PLCE1: variants seen among roughly 807,000 people sequenced by gnomAD.
PLCE1 encodes the protein phospholipase C epsilon 1.
A neutral mutation model predicts 242.8 loss-of-function variants in PLCE1; 119 were observed. The ratio of observed to expected loss-of-function variants is 0.49; its 90% CI spans 0.42 to 0.57. The LOEUF is 0.57. Among genes scored for constraint, PLCE1 ranks in the 20% least tolerant of loss-of-function variants. The pLI is 0.00. For synonymous variants in PLCE1, 945 were observed against 1,017.4 expected (o/e 0.93, Z 1.35); for missense variants, 2,441 against 2,788.8 (o/e 0.88, Z 2.81).
rs114276491 is a variant in PLCE1, at chr10:94,117,654, C to T, written c.1207-14520C>T. ...ATGGTGGGTATAAAAGAGAGAAAAT[C>T]CTTGGAACACCCATAAGCAGTTGAT... is the stretch of plus-strand genomic sequence containing the variant. On this transcript the variant is annotated intron_variant, in intron 2 of 32. Transcript: ENST00000371380. Among the ~76,000 whole-genome samples, 470 of 152,248 alleles carry T rather than the reference C, an allele frequency of 3.1e-3. 4 individuals are homozygous for T. Among genetic ancestry groups the T allele is most frequent in the African/African-American group, 0.011 (454 of 41,550 alleles).
intron 29 of PLCE1, among the ~76,000 whole-genome samples, chr10:94,319,029 C>A (rs1204054777): frequency 1.3e-5 from 2 of 152,084 alleles, no homozygotes; most frequent in Non-Finnish European, 2.9e-5. Context: ...GCCTGGGTGA[C>A]AGAGCAAGAC....
In PLCE1 at chr10:94,231,667, C is replaced by T. The variant is rs148011951; in HGVS notation, c.1956-2387C>T. The stretch of plus-strand genomic sequence containing the variant: ...CATCAGAGACCAGTTTCATGGAAGA[C>T]AATTTTTCCACAGACTCGGGGTGTG... On this transcript the variant is annotated intron_variant, in intron 5 of 32. Coordinates refer to ENST00000371380, the MANE Select transcript of PLCE1 (RefSeq NM_016341.4). 4.9e-3 allele frequency among the ~76,000 whole-genome samples: 739 copies of T among 150,526 alleles called. 4 individuals carry two copies. Among genetic ancestry groups the T allele is most frequent in the Non-Finnish European group, 8.8e-3 (595 of 67,760 alleles).
rs2051194926 is a variant in PLCE1 at position 94,258,867 on chromosome 10, G to A, written c.3622G>A (p.Val1208Ile). 2 of 1,614,102 alleles carry A rather than the reference G, an allele frequency of 1.2e-6. No individual in the cohort carries two copies. Among genetic ancestry groups the A allele is most frequent in the Non-Finnish European group, 1.7e-6 (2 of 1,179,980 alleles). The change falls in exon 12 of 33, where the codon GTT (valine) becomes ATT (isoleucine). Residue 1208 changes from valine to isoleucine, a missense_variant. Val to Ile is a conservative substitution (Grantham distance 29, BLOSUM62 3). Coordinates refer to ENST00000371380, the MANE Select transcript of PLCE1 (RefSeq NM_016341.4). ...CATGAAGGGATTTCAGAGCTTCATG[G>A]TTTCAGATAGCAACATGAGTTTTGT... ...GGMKGFQSFM[V>I]SDSNMSFVEF...
At chr10:94,130,037 C>T (rs2046551153) in intron 2 of PLCE1, among the ~76,000 whole-genome samples, 1 of 152,220 alleles carries the variant, frequency 6.6e-6, no homozygotes, top group South Asian at 2.1e-4. Flanking sequence ...ACAGGTCAAA[C>T]CCTGCTTTGC....
chr10:94,061,889 A>T (rs2044065368), intron 2 of PLCE1, among the ~76,000 whole-genome samples: 1 of 152,200 alleles, frequency 6.6e-6, no homozygotes, highest in South Asian at 2.1e-4. Context: ...GGAGTCAGCA[A>T]CCTGAGTTAG....
At chr10:94,204,344 T>C (rs1210543842) in intron 4 of PLCE1, among the ~76,000 whole-genome samples, 1 of 152,180 alleles carries the variant, frequency 6.6e-6, no homozygotes, top group Admixed American at 6.5e-5. Context: ...AACTCCAAGC[T>C]ACCTTCTAGA....
intron 32 of PLCE1, among the ~76,000 whole-genome samples, chr10:94,327,189 T>C (rs1011874630): frequency 6.6e-6 from 1 of 152,210 alleles, no homozygotes; most frequent in Non-Finnish European, 1.5e-5. Flanking sequence ...GCTTCTCTTA[T>C]AGTCATTGGT....
intron 1 of PLCE1, among the ~76,000 whole-genome samples, chr10:94,008,528 C>T (rs561270669): frequency 5.9e-5 from 9 of 152,158 alleles, no homozygotes; most frequent in African/African-American, 9.7e-5. Flanking sequence ...AGGCTGGTCT[C>T]GAACTCCTGA....
chr10:94,137,391 C>G (rs2046816227), intron 3 of PLCE1, among the ~76,000 whole-genome samples: 1 of 151,696 alleles, frequency 6.6e-6, no homozygotes, highest in African/African-American at 2.4e-5. Context: ...ATTATAAAAA[C>G]AAGATAAAGT....
chr10:94,325,093 T>G lies in PLCE1; in HGVS notation c.*13T>G, dbSNP rs1589550457. 1.9e-6 allele frequency: 3 copies of G among 1,612,598 alleles called. No individual in the cohort carries two copies. Among genetic ancestry groups the G allele is most frequent in the Non-Finnish European group, 2.5e-6 (3 of 1,178,592 alleles). ...TTACCGACAGTGACTAAGGGCAGCA[T>G]GTTTAACCCAGGTATAGTAAGTCAT... is the stretch of plus-strand genomic sequence containing the variant. On this transcript the variant is annotated 3_prime_UTR_variant, in exon 32 of 33. Coordinates refer to ENST00000371380, the MANE Select transcript of PLCE1 (RefSeq NM_016341.4).
chr10:94,123,128 G>T (rs1355045293), intron 2 of PLCE1, among the ~76,000 whole-genome samples: 6 of 152,158 alleles, frequency 3.9e-5, no homozygotes, highest in Non-Finnish European at 1.5e-5. Flanking sequence ...CTTTGCTTAA[G>T]GTGTCATTGG....
intron 2 of PLCE1, among the ~76,000 whole-genome samples, chr10:94,090,796 G>A (rs74151028): frequency 0.01 from 1,565 of 152,172 alleles, 14 homozygotes; most frequent in Non-Finnish European, 0.016. Flanking sequence ...AGTCTCTTGC[G>A]TTTTGTGTTA....
chr10:94,011,510 G>A (rs918032231), intron 1 of PLCE1, among the ~76,000 whole-genome samples: 1 of 152,082 alleles, frequency 6.6e-6, no homozygotes, highest in African/African-American at 2.4e-5. Flanking sequence ...ACAACAGGAC[G>A]CTGTCAGTGC....
chr10:94,170,360 T>G (rs2047933947), intron 3 of PLCE1, among the ~76,000 whole-genome samples: 1 of 152,176 alleles, frequency 6.6e-6, no homozygotes, highest in African/African-American at 2.4e-5. Context: ...GGTAAGAAGT[T>G]AAGAGGCAGC....
At position 94,235,931 on chromosome 10, in the gene PLCE1, G is replaced by T. The variant is rs2050307344; in HGVS notation, c.2231G>T (p.Ser744Ile). The change falls in exon 7 of 33, where the codon AGT becomes ATT. Residue 744 changes from serine (S) to isoleucine (I), a missense_variant. Physicochemically the swap from Ser to Ile is moderately radical, Grantham distance 142. Coordinates refer to ENST00000371380, the MANE Select transcript of PLCE1 (RefSeq NM_016341.4). ...EETLEFVADY[S>I]GQDNFLQRVG... ...TTTTTGTAGTTTGTAGCAGATTACA[G>T]TGGACAAGATAATTTCTTACAACGA... 1.9e-6 allele frequency: 3 copies of T among 1,613,816 alleles called. No individual in the cohort carries two copies. Among genetic ancestry groups the T allele is most frequent in the Middle Eastern group, 1.7e-4 (1 of 5,966 alleles).
At chr10:94,049,463 A>G (rs2043701815) in intron 2 of PLCE1, among the ~76,000 whole-genome samples, 1 of 152,142 alleles carries the variant, frequency 6.6e-6, no homozygotes, top group African/African-American at 2.4e-5. Context: ...GCCTTCTCTG[A>G]GCCCTTTAAT....
Position 94,171,505 on chromosome 10 carries a change from C to A in PLCE1, c.1809+9C>A, listed in dbSNP as rs781531709. The A allele has an allele frequency of 6.2e-7, 1 of 1,608,782 alleles. No individual in the cohort carries two copies. The highest frequency in any genetic ancestry group is 1.1e-5 in the South Asian group (1 of 90,932). ...TGATGAGGTTTAATGAGGTAAGAAGCCACTTTTTGATGTCTTGGTATTTGA... is the reference window on the plus strand; with the variant it reads ...TGATGAGGTTTAATGAGGTAAGAAGACACTTTTTGATGTCTTGGTATTTGA... On this transcript the variant is annotated intron_variant, in intron 4 of 32. Transcript: ENST00000371380.
chr10:94,332,229 A>C lies in PLCE1; in HGVS notation c.*4286A>C, dbSNP rs1026574090. 2 of 152,208 alleles carry C rather than the reference A, an allele frequency of 1.3e-5. No homozygotes were observed. Among genetic ancestry groups the C allele is most frequent in the South Asian group, 4.1e-4 (2 of 4,834 alleles). 9.4% of individuals were successfully genotyped at this position (152,208 alleles called of 1,614,324 possible). A position where few individuals can be genotyped will look rare whatever the true frequency, so the allele number is the denominator to read the frequency against. On this transcript the variant is annotated 3_prime_UTR_variant, in exon 33 of 33. Transcript: ENST00000371380. ...ACTATGCACAAGCCTGTCACCAAAC[A>C]GATCTCTGAAACCTTCCCTATTGCA...
intron 21 of PLCE1, 102 bp downstream of exon 21, chr10:94,284,013 C>A (rs2052345671): frequency 7.4e-7 from 1 of 1,342,786 alleles, no homozygotes. Context: ...TTCACCTTTC[C>A]CCTCACTTTC....
Sources: allele counts gnomAD v4.1 joint callset (sites outside exome capture counted in the v4.1 genomes callset), GRCh38; gene constraint gnomAD v4.1.1; transcripts MANE v1.5; gene names NCBI Gene and HGNC (gene_info 2026-07-23, HGNC 2026-07-21).